Variants in TOR3A observed in about 807,000 individuals in gnomAD.
TOR3A encodes the protein torsin family 3 member A, also known as torsin-3A.
TOR3A carries 44 observed loss-of-function variants against 42.1 expected under a neutral mutation model. That is an observed-to-expected ratio of 1.04 (90% confidence interval 0.82 to 1.34). TOR3A has a LOEUF of 1.34. Ranked by LOEUF, TOR3A falls within the 40% of genes most tolerant of loss-of-function variation. The pLI is 0.00. For synonymous variants in TOR3A, 227 were observed against 213.2 expected (o/e 1.06, Z -0.57); for missense variants, 521 against 507.6 (o/e 1.03, Z -0.25).
intron 4 of TOR3A, among the ~76,000 whole-genome samples, chr1:179,090,455 C>G (rs148942252): frequency 3.2e-4 from 49 of 152,356 alleles, no homozygotes; most frequent in African/African-American, 1.1e-3. Context: ...TAATCATCCA[C>G]TGTAATAAGG....
At position 179,085,828 on chromosome 1, in the gene TOR3A, G is replaced by A; in HGVS notation, c.574G>A (p.Asp192Asn). 6.2e-7 allele frequency: 1 copy of A among 1,614,184 alleles called. No homozygotes were observed. Among genetic ancestry groups the A allele is most frequent in the South Asian group, 1.1e-5 (1 of 91,072 alleles). The part of the protein sequence containing the change: ...ENLYRDGLMS[D>N]CVRMFIATFH... ...CCTGTATCGGGACGGGCTGATGAGT[G>A]ACTGTGTCAGGATGTTCATCGCCAC... The change falls in exon 3 of 6, where the codon GAC becomes AAC. Residue 192 changes from aspartate to asparagine, a missense_variant. Physicochemically the swap from Asp to Asn is conservative, Grantham distance 23. Coordinates refer to ENST00000367627, the MANE Select transcript of TOR3A (RefSeq NM_022371.4).
rs770512763 is a variant in TOR3A, at chr1:179,088,028, G to A, written c.757G>A (p.Glu253Lys). 9 of 1,613,564 alleles carry A rather than the reference G, an allele frequency of 5.6e-6. No homozygotes were observed. The highest frequency in any genetic ancestry group is 4.4e-5 in the South Asian group (4 of 91,034). Residue 253 changes from glutamate to lysine, a missense_variant, in exon 4 of 6, where the codon GAA becomes AAA. By Grantham distance (56) the Glu-to-Lys change is moderately conservative. Coordinates refer to ENST00000367627, the MANE Select transcript of TOR3A (RefSeq NM_022371.4). ...GCTGGAGGTCCTTGGGCCACACTTAGAACGCCGGGCCCCTGAGGGCCACAG... is the reference window on the plus strand; with the variant it reads ...GCTGGAGGTCCTTGGGCCACACTTAAAACGCCGGGCCCCTGAGGGCCACAG... ...GLLEVLGPHL[E>K]RRAPEGHRAE... is the part of the protein sequence containing the mutation.
chr1:179,095,155 A>G lies in TOR3A; in HGVS notation c.1131A>G (p.Glu377=). The G allele has an allele frequency of 1.2e-6, 2 of 1,614,214 alleles. No individual in the cohort carries two copies. Among genetic ancestry groups the G allele is most frequent in the Non-Finnish European group, 1.7e-6 (2 of 1,180,046 alleles). ...AQMMVYVPKE[E]QLFSSQGCKS... is the part of the protein sequence containing the mutation. The stretch of plus-strand genomic sequence containing the variant: ...TGATGGTGTATGTCCCCAAGGAGGA[A>G]CAACTCTTTTCTTCCCAGGGCTGCA... Residue 377 remains glutamate (E), a synonymous_variant, in exon 6 of 6, where the codon GAA becomes GAG. Coordinates refer to ENST00000367627, the MANE Select transcript of TOR3A (RefSeq NM_022371.4).
chr1:179,085,706 A>C lies in TOR3A; in HGVS notation c.452A>C (p.Tyr151Ser), dbSNP rs754195203. 1 of 1,614,222 alleles carries C rather than the reference A, an allele frequency of 6.2e-7. No individual in the cohort carries two copies. Among genetic ancestry groups the C allele is most frequent in the South Asian group, 1.1e-5 (1 of 91,090 alleles). Reference sequence around the variant, plus strand: ...CTGGTCCTAAGAACAGTGAGGGGCTACTTAGAGACGCCCCAGCCAGAAAAG... The same window carrying C: ...CTGGTCCTAAGAACAGTGAGGGGCTCCTTAGAGACGCCCCAGCCAGAAAAG... ...QQLVLRTVRG[Y>S]LETPQPEKAL... The change falls in exon 3 of 6, where the codon TAC becomes TCC. Residue 151 changes from tyrosine (Y) to serine (S), a missense_variant. Transcript: ENST00000367627.
intron 3 of TOR3A, 53 bp from the exon 4 acceptor site, chr1:179,087,858 C>A: frequency 6.7e-7 from 1 of 1,490,264 alleles, no homozygotes; most frequent in South Asian, 1.4e-5. Context: ...GCCCTCAAGG[C>A]CGGAGGTGGA....
chr1:179,085,411 A>G (rs1011234761), intron 2 of TOR3A: 2 of 574,194 alleles, frequency 3.5e-6, no homozygotes, highest in South Asian at 2.1e-5. Context: ...TGACAGAGCA[A>G]GACTCCATCT....
At chr1:179,093,582 G>C (rs566576654) in intron 4 of TOR3A, among the ~76,000 whole-genome samples, 6 of 152,262 alleles carry the variant, frequency 3.9e-5, no homozygotes, top group African/African-American at 1.4e-4. Context: ...GGCAGACAAA[G>C]CCCTCCTCAC....
chr1:179,085,493 T>C (rs1418017010), intron 2 of TOR3A, 135 bp from the exon 3 acceptor site: 3 of 1,141,112 alleles, frequency 2.6e-6, no homozygotes, highest in African/African-American at 3.1e-5. Flanking sequence ...GGCTTCTTAT[T>C]CTAAGGCCAA....
In TOR3A at chr1:179,095,350, A is replaced by AGTGTGGACTGG; in HGVS notation, c.*132_*133insGTGTGGACTGG. 1 of 1,516,454 alleles carries AGTGTGGACTGG rather than the reference A, an allele frequency of 6.6e-7. No homozygotes were observed. Among genetic ancestry groups the AGTGTGGACTGG allele is most frequent in the Admixed American group, 2.1e-5 (1 of 46,564 alleles). 93.9% of individuals were successfully genotyped at this position (1,516,454 alleles called of 1,614,324 possible). ...GCATCCAGCAGCCACTAACAAACACACAACTGGTGTGTAAAAGGCAGGCCT... is the reference window on the plus strand; with the variant it reads ...GCATCCAGCAGCCACTAACAAACACAGTGTGGACTGGCAACTGGTGTGTAAAAGGCAGGCCT... On this transcript the variant is annotated 3_prime_UTR_variant, in exon 6 of 6. Coordinates refer to ENST00000367627, the MANE Select transcript of TOR3A (RefSeq NM_022371.4).
At chr1:179,092,127 G>A (rs910344915) in intron 4 of TOR3A, among the ~76,000 whole-genome samples, 1 of 152,208 alleles carries the variant, frequency 6.6e-6, no homozygotes, top group Non-Finnish European at 1.5e-5. Flanking sequence ...TTGGCTGTCC[G>A]GGCTTAACCT....
rs754720019 is a variant in TOR3A at position 179,085,897 on chromosome 1, A to G, written c.639+4A>G. On this transcript the variant is annotated splice_donor_region_variant and intron_variant, in intron 3 of 5. Transcript: ENST00000367627. ...CAAATATGTGGACCTGTACAAGGTG[A>G]GGCCGACCAGGGCTGGGGTGAGGCC... 3.1e-6 allele frequency: 5 copies of G among 1,612,552 alleles called. No homozygotes were observed. The highest frequency in any genetic ancestry group is 3.4e-6 in the Non-Finnish European group (4 of 1,179,120).
chr1:179,095,194 G>C lies in TOR3A; in HGVS notation c.1170G>C (p.Gln390His). Residue 390 changes from glutamine (Q) to histidine (H), a missense_variant, in exon 6 of 6, where the codon CAG becomes CAC. Coordinates refer to ENST00000367627, the MANE Select transcript of TOR3A (RefSeq NM_022371.4). ...FSSQGCKSIS[Q>H]RINYFLS is the part of the protein sequence containing the mutation. ...CCCAGGGCTGCAAGTCTATTTCCCAGAGGATTAACTACTTCCTGTCATGAA... is the reference window on the plus strand; with the variant it reads ...CCCAGGGCTGCAAGTCTATTTCCCACAGGATTAACTACTTCCTGTCATGAA... 1.9e-6 allele frequency: 3 copies of C among 1,614,132 alleles called. No individual in the cohort carries two copies. The highest frequency in any genetic ancestry group is 2.5e-6 in the Non-Finnish European group (3 of 1,180,024).
At chr1:179,082,522 T>G in intron 1 of TOR3A, 135 bp downstream of exon 1, 3 of 1,337,782 alleles carry the variant, frequency 2.2e-6, no homozygotes, top group Non-Finnish European at 3.0e-6. Flanking sequence ...CGGTACCGGC[T>G]GTGGGCGGGG....
chr1:179,093,054 CAAGGACTTGGTTT>C (rs1196256390), intron 4 of TOR3A, among the ~76,000 whole-genome samples: 3 of 152,098 alleles, frequency 2.0e-5, no homozygotes. Flanking sequence ...TGGAGCTGGG[CAAGGACTTGGTTT>C]AAGGAGCTGG....
chr1:179,087,095 CA>C (rs1324831509), intron 3 of TOR3A, among the ~76,000 whole-genome samples: 1 of 152,264 alleles, frequency 6.6e-6, no homozygotes, highest in Non-Finnish European at 1.5e-5. Flanking sequence ...CCCTGCACCT[CA>C]CACTTTCCCC....
At position 179,095,212 on chromosome 1, in the gene TOR3A, G is replaced by C. The variant is rs777122060; in HGVS notation, c.1188G>C (p.Leu396=). ...KSISQRINYF[L]S is the part of the protein sequence containing the mutation. ...TTTCCCAGAGGATTAACTACTTCCT[G>C]TCATGAAGGCTAGAGGAAGACTTCC... The change falls in exon 6 of 6, where the codon CTG becomes CTC. Residue 396 remains leucine, a synonymous_variant. Transcript: ENST00000367627. 50 of 1,613,882 alleles carry C rather than the reference G, an allele frequency of 3.1e-5. No homozygotes were observed. The highest frequency in any genetic ancestry group is 2.3e-4 in the Admixed American group (14 of 59,996).
chr1:179,087,363 A>C (rs1371969822), intron 3 of TOR3A, among the ~76,000 whole-genome samples: 1 of 152,048 alleles, frequency 6.6e-6, no homozygotes, highest in African/African-American at 2.4e-5. Context: ...GGCGCTCTGC[A>C]CCCGGGAGTT....
At chr1:179,086,559 G>A (rs888915527) in intron 3 of TOR3A, among the ~76,000 whole-genome samples, 3 of 151,838 alleles carry the variant, frequency 2.0e-5, no homozygotes, top group East Asian at 1.9e-4. Flanking sequence ...TCAGCTACTC[G>A]GGAGGCTGAG....
intron 3 of TOR3A, 152 bp from the exon 4 acceptor site, chr1:179,087,759 A>G (rs888364370): frequency 3.2e-6 from 2 of 616,666 alleles, no homozygotes; most frequent in Non-Finnish European, 2.6e-6. Flanking sequence ...GCCCTCCCCA[A>G]GAGCTTGGAT....
Sources: gnomAD v4.1 joint callset for allele counts (sites outside exome capture counted in the v4.1 genomes callset) on GRCh38, gnomAD v4.1.1 for gene constraint, MANE v1.5 for transcripts, NCBI Gene and HGNC (gene_info 2026-07-23, HGNC 2026-07-21) for gene names.